YIPF1: variants seen among roughly 807,000 people sequenced by gnomAD.
YIPF1 encodes the protein Yip1 domain family member 1, also known as protein YIPF1.
A neutral mutation model predicts 37.0 loss-of-function variants in YIPF1; 22 were observed. The ratio of observed to expected loss-of-function variants is 0.59; its 90% CI spans 0.42 to 0.85. The LOEUF is 0.85. YIPF1 is among the 40% of genes least tolerant of loss of function. YIPF1 has a pLI of 0.00. For missense variants in YIPF1, 355 were observed against 373.1 expected, an observed-to-expected ratio of 0.95 and a Z score of 0.40; for synonymous variants, 128 against 131.9, an observed-to-expected ratio of 0.97 and a Z score of 0.21.
At chr1:53,855,930 G>A (rs138149236) in intron 10 of YIPF1, among the ~76,000 whole-genome samples, 109 of 152,250 alleles carry the variant, frequency 7.2e-4, no homozygotes, top group African/African-American at 2.4e-3. Context: ...CTGGGAATGC[G>A]CTCTAGGCTA....
chr1:53,888,642 A>G (rs1473317263), intron 3 of YIPF1, among the ~76,000 whole-genome samples: 1 of 152,232 alleles, frequency 6.6e-6, no homozygotes, highest in African/African-American at 2.4e-5. Context: ...TTTCTGAACT[A>G]AAGCAGGAAC....
intron 10 of YIPF1, among the ~76,000 whole-genome samples, chr1:53,858,620 T>C (rs1420626987): frequency 6.6e-6 from 1 of 152,156 alleles, no homozygotes; most frequent in Non-Finnish European, 1.5e-5. Flanking sequence ...TGCTAGTACA[T>C]GGTAGGGCTG....
At chr1:53,880,119 C>T (rs6680026) in intron 4 of YIPF1, among the ~76,000 whole-genome samples, 94,736 of 151,976 alleles carry the variant, frequency 0.62, 30,257 homozygotes, top group East Asian at 0.86. Context: ...AGTCAAATCA[C>T]CTTTGTTTGC....
Position 53,876,740 on chromosome 1 carries a change from TAGTATCTCCCTCATGA to T in YIPF1, c.364+1559_364+1574del, listed in dbSNP as rs371090742. Among the ~76,000 whole-genome samples the T allele has an allele frequency of 1.8e-4, 27 of 152,320 alleles. 1 individual carries two copies. The highest frequency in any genetic ancestry group is 6.3e-4 in the African/African-American group (26 of 41,578). Reference sequence around the variant, plus strand: ...CTCATCTATAAAATGGGGATAATAATAGTATCTCCCTCATGAAGTTGGATCTGGCATAAGGATTAAA... The same window carrying T: ...CTCATCTATAAAATGGGGATAATAATAGTTGGATCTGGCATAAGGATTAAA... On this transcript the variant is annotated intron_variant, in intron 6 of 10. Transcript: ENST00000072644.
intron 10 of YIPF1, among the ~76,000 whole-genome samples, chr1:53,857,980 C>CAAAA (rs34358598): frequency 1.0e-5 from 1 of 97,016 alleles, no homozygotes; most frequent in African/African-American, 4.0e-5. Flanking sequence ...GACTCCACCT[C>CAAAA]AAAAAAAAAA....
intron 6 of YIPF1, among the ~76,000 whole-genome samples, chr1:53,877,702 A>G (rs527550984): frequency 8.5e-5 from 13 of 152,352 alleles, no homozygotes; most frequent in African/African-American, 3.1e-4. Flanking sequence ...TATCAATGAA[A>G]AAGTGTGAGA....
chr1:53,856,498 A>G (rs1649723251), intron 10 of YIPF1, among the ~76,000 whole-genome samples: 1 of 152,048 alleles, frequency 6.6e-6, no homozygotes. Context: ...CAGTGATGTG[A>G]GTCCACATCG....
At chr1:53,878,013 C>A (rs1650378049) in intron 6 of YIPF1, among the ~76,000 whole-genome samples, 1 of 152,190 alleles carries the variant, frequency 6.6e-6, no homozygotes, top group Non-Finnish European at 1.5e-5. Context: ...AACTCCTAGC[C>A]TCTGGCAATC....
chr1:53,884,818 A>G (rs998540035), intron 3 of YIPF1, among the ~76,000 whole-genome samples: 1 of 152,166 alleles, frequency 6.6e-6, no homozygotes, highest in Non-Finnish European at 1.5e-5. Context: ...GCAGCTCTGA[A>G]CCTTCGAAGG....
rs1473352060 is a variant in YIPF1, at chr1:53,852,152, G to C, written c.*127C>G. On this transcript the variant is annotated 3_prime_UTR_variant, in exon 11 of 11. Coordinates refer to ENST00000072644, the MANE Select transcript of YIPF1 (RefSeq NM_018982.5). ...AAACGGGTGATTAGGCGCCAGTGTG[G>C]CACCATCCAGACACTGGGAATTTGT... 6.6e-6 allele frequency: 1 copy of C among 152,142 alleles called. No homozygotes were observed. Among genetic ancestry groups the C allele is most frequent in the Admixed American group, 6.5e-5 (1 of 15,274 alleles). 9.4% of individuals were successfully genotyped at this position (152,142 alleles called of 1,614,324 possible).
At chr1:53,866,713 G>T (rs1650033842) in intron 8 of YIPF1, 45 bp downstream of exon 8, 1 of 1,571,702 alleles carries the variant, frequency 6.4e-7, no homozygotes, top group Non-Finnish European at 8.6e-7. Context: ...TTTCTACCAA[G>T]AACAGAGCAT....
chr1:53,867,046 T>A, intron 7 of YIPF1, 122 bp from the exon 8 acceptor site: 1 of 1,189,300 alleles, frequency 8.4e-7, no homozygotes, highest in South Asian at 1.6e-5. Flanking sequence ...GACCACGGAA[T>A]CATGTCTTAC....
intron 6 of YIPF1, among the ~76,000 whole-genome samples, 184 bp from the exon 7 acceptor site, chr1:53,871,672 G>A (rs1374827749): frequency 6.6e-6 from 1 of 151,974 alleles, no homozygotes; most frequent in African/African-American, 2.4e-5. Flanking sequence ...TCAGTAATTA[G>A]CTGCCTTAAA....
chr1:53,875,949 C>T (rs1305610318), intron 6 of YIPF1, among the ~76,000 whole-genome samples: 1 of 152,114 alleles, frequency 6.6e-6, no homozygotes, highest in Non-Finnish European at 1.5e-5. Context: ...CTTTTCTTTG[C>T]TTATTGTTAA....
At chr1:53,872,911 A>G (rs905412709) in intron 6 of YIPF1, among the ~76,000 whole-genome samples, 5 of 152,246 alleles carry the variant, frequency 3.3e-5, no homozygotes, top group South Asian at 4.1e-4. Context: ...GTGACCACAC[A>G]TAAGAGTGGC....
chr1:53,878,006 T>C (rs942014756), intron 6 of YIPF1, among the ~76,000 whole-genome samples: 1 of 152,152 alleles, frequency 6.6e-6, no homozygotes, highest in Non-Finnish European at 1.5e-5. Flanking sequence ...GGTCTCAAAC[T>C]CCTAGCCTCT....
chr1:53,861,933 C>T (rs541926758), intron 9 of YIPF1, among the ~76,000 whole-genome samples: 1 of 152,264 alleles, frequency 6.6e-6, no homozygotes, highest in Admixed American at 6.5e-5. Context: ...AGAATTGCTT[C>T]AGCCCAGGAG....
chr1:53,873,641 G>GCCC (rs1303053129), intron 6 of YIPF1, among the ~76,000 whole-genome samples: 2 of 149,412 alleles, frequency 1.3e-5, no homozygotes, highest in East Asian at 4.0e-4. Context: ...TCATGCCTCT[G>GCCC]AATAGCTACC....
chr1:53,888,128 A>G (rs776116282), intron 3 of YIPF1, among the ~76,000 whole-genome samples: 2 of 152,184 alleles, frequency 1.3e-5, no homozygotes, highest in Non-Finnish European at 2.9e-5. Flanking sequence ...CAGAAGGCTG[A>G]GGCAGGAGAA....
Sources: allele counts gnomAD v4.1 joint callset (sites outside exome capture counted in the v4.1 genomes callset), GRCh38; gene constraint gnomAD v4.1.1; transcripts MANE v1.5; gene names NCBI Gene and HGNC (gene_info 2026-07-23, HGNC 2026-07-21).